SPIRE1: variants seen among roughly 807,000 people sequenced by gnomAD.
SPIRE1 encodes the protein spire type actin nucleation factor 1, also known as protein spire homolog 1.
A neutral mutation model predicts 94.1 loss-of-function variants in SPIRE1; 40 were observed. That is an observed-to-expected ratio of 0.43 (90% CI 0.33 to 0.55). The LOEUF (loss-of-function observed/expected upper bound fraction) is 0.55, where lower values mean the gene tolerates loss of function less well. SPIRE1 is among the 20% of genes least tolerant of loss of function. The pLI is 0.06. For missense variants in SPIRE1, 838 were observed against 975.2 expected, an observed-to-expected ratio of 0.86 and a Z score of 1.87; for synonymous variants, 376 against 371.7, an observed-to-expected ratio of 1.01 and a Z score of -0.13.
In SPIRE1 at chr18:12,449,384, C is replaced by G; in HGVS notation, c.*254G>C. 1 of 475,154 alleles carries G rather than the reference C, an allele frequency of 2.1e-6. No homozygotes were observed. The highest frequency in any genetic ancestry group is 3.8e-6 in the Non-Finnish European group (1 of 264,078). 29.4% of individuals were successfully genotyped at this position (475,154 alleles called of 1,614,324 possible). ...GGAAGTAGCTACTGGCTTCCAAAGC[C>G]ACACACACACAAAAGTAAGTTTCAA... On this transcript the variant is annotated 3_prime_UTR_variant, in exon 17 of 17. Transcript: ENST00000409402.
intron 2 of SPIRE1, among the ~76,000 whole-genome samples, chr18:12,555,296 A>G (rs2035471195): frequency 6.8e-6 from 1 of 147,554 alleles, no homozygotes; most frequent in East Asian, 2.0e-4. Flanking sequence ...GAACCAGACA[A>G]AGACTTATCA....
intron 2 of SPIRE1, among the ~76,000 whole-genome samples, chr18:12,569,788 C>T (rs1015124510): frequency 6.6e-6 from 1 of 151,990 alleles, no homozygotes; most frequent in South Asian, 2.1e-4. Flanking sequence ...CTCTGACATT[C>T]GTTAAAATGA....
intron 13 of SPIRE1, 30 bp from the exon 14 acceptor site, chr18:12,453,168 A>G: frequency 6.7e-7 from 1 of 1,493,768 alleles, no homozygotes; most frequent in South Asian, 1.2e-5. Flanking sequence ...GAGGAAAAAA[A>G]ACATTGCCAA....
intron 2 of SPIRE1, among the ~76,000 whole-genome samples, chr18:12,593,826 C>T (rs2036596677): frequency 1.3e-5 from 2 of 152,126 alleles, no homozygotes; most frequent in African/African-American, 2.4e-5. Flanking sequence ...GTGGCACATG[C>T]CTGTAATCCC....
At chr18:12,500,670 A>G (rs541456895) in intron 6 of SPIRE1, among the ~76,000 whole-genome samples, 2 of 152,348 alleles carry the variant, frequency 1.3e-5, no homozygotes, top group East Asian at 3.9e-4. Flanking sequence ...ACTACTATAC[A>G]CTGCAGCACT....
At chr18:12,658,780 A>G (rs2038634716), upstream of SPIRE1, 1 of 327,608 alleles carries the variant, frequency 3.1e-6, no homozygotes, top group Admixed American at 4.1e-5. Context: ...CAGGGTAAGC[A>G]CCGTAAAGAC....
chr18:12,453,676 C>T (rs1016605647), intron 13 of SPIRE1, among the ~76,000 whole-genome samples: 5 of 151,956 alleles, frequency 3.3e-5, no homozygotes, highest in South Asian at 2.1e-4. Flanking sequence ...CCTTGTGATC[C>T]GCCTGCCTAG....
At chr18:12,611,391 C>G (rs2037136655) in intron 2 of SPIRE1, among the ~76,000 whole-genome samples, 1 of 152,200 alleles carries the variant, frequency 6.6e-6, no homozygotes, top group African/African-American at 2.4e-5. Context: ...GCTGCCTTGT[C>G]AGGAGGATAC....
At chr18:12,510,528 C>T (rs978092085) in intron 5 of SPIRE1, among the ~76,000 whole-genome samples, 1 of 151,754 alleles carries the variant, frequency 6.6e-6, no homozygotes, top group Non-Finnish European at 1.5e-5. Flanking sequence ...TCCCCCAATA[C>T]CTGGACTTCA....
intron 2 of SPIRE1, among the ~76,000 whole-genome samples, chr18:12,611,089 G>A (rs539516544): frequency 6.6e-6 from 1 of 152,146 alleles, no homozygotes; most frequent in East Asian, 1.9e-4. Context: ...ATACTGGATC[G>A]TTACTGGTGC....
At chr18:12,552,615 C>T (rs2035384172) in intron 2 of SPIRE1, among the ~76,000 whole-genome samples, 1 of 152,074 alleles carries the variant, frequency 6.6e-6, no homozygotes, top group South Asian at 2.1e-4. Context: ...AACCCCTGAC[C>T]TAATTGGTTA....
chr18:12,588,896 C>T (rs1490503695), intron 2 of SPIRE1, among the ~76,000 whole-genome samples: 1 of 152,138 alleles, frequency 6.6e-6, no homozygotes, highest in Non-Finnish European at 1.5e-5. Context: ...TAACTGACAA[C>T]TCTCAAGGTA....
intron 2 of SPIRE1, among the ~76,000 whole-genome samples, chr18:12,616,518 G>A (rs117132206): frequency 0.014 from 2,205 of 152,312 alleles, 23 homozygotes; most frequent in South Asian, 0.061. Flanking sequence ...CACAAGAGAA[G>A]AGAAAGTTGA....
intron 8 of SPIRE1, among the ~76,000 whole-genome samples, chr18:12,491,184 T>A (rs1209204553): frequency 6.7e-6 from 1 of 148,910 alleles, no homozygotes; most frequent in African/African-American, 2.6e-5. Flanking sequence ...ATAATATTCA[T>A]GAATTGAAAG....
chr18:12,596,723 A>G (rs147660313), intron 2 of SPIRE1, among the ~76,000 whole-genome samples: 1 of 152,308 alleles, frequency 6.6e-6, no homozygotes, highest in African/African-American at 2.4e-5. Flanking sequence ...TGTGTATATT[A>G]TATATCAATT....
rs1190357789 is a variant in SPIRE1, at chr18:12,657,854, C to T, written c.13G>A (p.Ala5Thr). ...GGCTCCCCGCCGCCCGCCGGGCCAGCCGCCTGAGCCATCCCGCGGGTGGGC... is the reference window on the plus strand; with the variant it reads ...GGCTCCCCGCCGCCCGCCGGGCCAGTCGCCTGAGCCATCCCGCGGGTGGGC... Reference protein sequence around the residue: MAQAAGPAGGGEPRT... With the variant: MAQATGPAGGGEPRT... Residue 5 changes from alanine to threonine, a missense_variant, in exon 1 of 17, where the codon GCT becomes ACT. Ala to Thr is a moderately conservative substitution (Grantham distance 58). Transcript: ENST00000409402. The T allele has an allele frequency of 7.3e-6, 8 of 1,094,746 alleles. No homozygotes were observed. The highest frequency in any genetic ancestry group is 4.2e-5 in the South Asian group (1 of 23,910). The allele number at this position is 1,094,746 out of a possible 1,614,324, so 67.8% of individuals were successfully genotyped here. A position where few individuals can be genotyped will look rare whatever the true frequency, so the allele number is the denominator to read the frequency against.
At chr18:12,511,643 G>C (rs369428935) in intron 5 of SPIRE1, among the ~76,000 whole-genome samples, 2 of 152,084 alleles carry the variant, frequency 1.3e-5, no homozygotes, top group East Asian at 3.9e-4. Flanking sequence ...TTTTAAAATG[G>C]GGAATAGATA....
At chr18:12,501,881 G>A (rs2033677355) in intron 6 of SPIRE1, among the ~76,000 whole-genome samples, 1 of 152,202 alleles carries the variant, frequency 6.6e-6, no homozygotes, top group South Asian at 2.1e-4. Context: ...TGGATTGCTT[G>A]AGCTGGGGAG....
rs2031081839 is a variant in SPIRE1, at chr18:12,448,946, A to G, written c.*692T>C. 1 of 152,664 alleles carries G rather than the reference A, an allele frequency of 6.6e-6. No individual in the cohort carries two copies. Among genetic ancestry groups the G allele is most frequent in the South Asian group, 2.1e-4 (1 of 4,834 alleles). 9.5% of individuals were successfully genotyped at this position (152,664 alleles called of 1,614,324 possible). A position where few individuals can be genotyped will look rare whatever the true frequency, so the allele number is the denominator to read the frequency against. On this transcript the variant is annotated 3_prime_UTR_variant, in exon 17 of 17. Coordinates refer to ENST00000409402, the MANE Select transcript of SPIRE1 (RefSeq NM_001128626.2). This position sits in a 1 kb window ranked among gnomAD's most constrained non-coding sequence, Gnocchi z 4.4. ...ATAATACATTCAAGATAGAGAATGA[A>G]GACCTGTCATCCACTCAGGAGACAC...
Sources: gnomAD v4.1 joint callset for allele counts (sites outside exome capture counted in the v4.1 genomes callset) on GRCh38, gnomAD v4.1.1 for gene constraint, Gnocchi (gnomAD v3.1) non-coding constraint, MANE v1.5 for transcripts, NCBI Gene and HGNC (gene_info 2026-07-23, HGNC 2026-07-21) for gene names.